The following PCDH9 variants were observed in gnomAD, a reference collection of about 807,000 sequenced individuals.
PCDH9 encodes protocadherin-9.
PCDH9 carries 24 observed loss-of-function variants against 70.6 expected under a neutral mutation model. The ratio of observed to expected loss-of-function variants is 0.34; its 90% confidence interval spans 0.25 to 0.48. The LOEUF (loss-of-function observed/expected upper bound fraction) is 0.48. PCDH9 is among the 20% of genes least tolerant of loss of function. The probability of loss-of-function intolerance (pLI) is 0.99; values close to 1 mark genes in which losing one functional copy is unlikely to be tolerated. For synonymous variants in PCDH9, 562 were observed against 558.5 expected (o/e 1.01, Z -0.09); for missense variants, 1,281 against 1,503.6 (o/e 0.85, Z 2.45).
intron 2 of PCDH9, among the ~76,000 whole-genome samples, chr13:67,113,702 C>T (rs1172571700): frequency 6.6e-6 from 1 of 152,132 alleles, no homozygotes; most frequent in Non-Finnish European, 1.5e-5. Flanking sequence ...CGCCCGCCAT[C>T]ACGCCCGGCT....
intron 4 of PCDH9, among the ~76,000 whole-genome samples, chr13:66,509,576 A>C (rs760878908): frequency 6.6e-6 from 1 of 152,000 alleles, no homozygotes; most frequent in Non-Finnish European, 1.5e-5. Context: ...TTGTTTTGGT[A>C]CTTCTTTCTC....
At chr13:66,904,779 A>G (rs2082332770) in intron 2 of PCDH9, among the ~76,000 whole-genome samples, 2 of 152,122 alleles carry the variant, frequency 1.3e-5, no homozygotes, top group Middle Eastern at 6.8e-3. Context: ...ATCATTTTAT[A>G]TATTTAAATA....
At chr13:66,481,653 C>T (rs556203990) in intron 4 of PCDH9, among the ~76,000 whole-genome samples, 2 of 152,128 alleles carry the variant, frequency 1.3e-5, no homozygotes, top group African/African-American at 2.4e-5. Context: ...CAAGGTATGC[C>T]GATAACTATG....
chr13:66,579,252 A>G (rs1052124396), intron 4 of PCDH9, among the ~76,000 whole-genome samples: 2 of 152,124 alleles, frequency 1.3e-5, no homozygotes, highest in African/African-American at 4.8e-5. Context: ...ACTAAAATAT[A>G]AATATATAAA....
At chr13:67,125,108 T>C (rs756155137) in intron 2 of PCDH9, among the ~76,000 whole-genome samples, 1 of 152,162 alleles carries the variant, frequency 6.6e-6, no homozygotes, top group Non-Finnish European at 1.5e-5. Context: ...TCCTTGAATA[T>C]AAAATTGGGA....
At chr13:67,162,034 C>T (rs78274485) in intron 2 of PCDH9, among the ~76,000 whole-genome samples, 9,377 of 152,204 alleles carry the variant, frequency 0.062, 442 homozygotes, top group African/African-American at 0.11. Flanking sequence ...CCTTCCTAAA[C>T]GACCTTGGAA....
chr13:66,669,060 T>A (rs1679613607), intron 3 of PCDH9, among the ~76,000 whole-genome samples: 1 of 152,206 alleles, frequency 6.6e-6, no homozygotes, highest in South Asian at 2.1e-4. Context: ...TCATTGAATC[T>A]ATTTTAATTG....
intron 3 of PCDH9, among the ~76,000 whole-genome samples, chr13:66,639,879 T>C (rs554737766): frequency 6.6e-6 from 1 of 152,294 alleles, no homozygotes; most frequent in East Asian, 1.9e-4. Context: ...AGTAGGAATG[T>C]GGTACTTTAT....
intron 2 of PCDH9, among the ~76,000 whole-genome samples, chr13:67,036,689 T>C (rs2085015928): frequency 6.6e-6 from 1 of 152,228 alleles, no homozygotes; most frequent in South Asian, 2.1e-4. Context: ...CGATAAAATA[T>C]ATGATCATCC....
chr13:67,001,113 C>G (rs370617618), intron 2 of PCDH9, among the ~76,000 whole-genome samples: 1 of 152,260 alleles, frequency 6.6e-6, no homozygotes, highest in South Asian at 2.1e-4. Context: ...AAGTTCGATA[C>G]AGAAGTAAGT....
chr13:67,149,228 C>T (rs1371097203), intron 2 of PCDH9, among the ~76,000 whole-genome samples: 1 of 152,148 alleles, frequency 6.6e-6, no homozygotes, highest in Non-Finnish European at 1.5e-5. Context: ...GAAAACTTTC[C>T]TATCAGTATG....
At chr13:67,218,873 T>C (rs2089665017) in intron 2 of PCDH9, 1 of 152,040 alleles carries the variant, frequency 6.6e-6, no homozygotes, top group African/African-American at 2.4e-5. Context: ...ACAGGTGGTC[T>C]CAAGCCCATC....
intron 2 of PCDH9, among the ~76,000 whole-genome samples, chr13:66,911,184 C>A (rs912962734): frequency 6.6e-6 from 1 of 152,110 alleles, no homozygotes; most frequent in African/African-American, 2.4e-5. Flanking sequence ...ACTTATTCAG[C>A]AGGTTCCTTC....
chr13:66,873,412 A>G (rs9317622), intron 3 of PCDH9, among the ~76,000 whole-genome samples: 91,340 of 151,900 alleles, frequency 0.6, 27,948 homozygotes, highest in African/African-American at 0.74. Flanking sequence ...ATGTCAAACA[A>G]TCCAATTTAT....
chr13:66,862,603 T>C (rs2081503247), intron 3 of PCDH9, among the ~76,000 whole-genome samples: 1 of 152,230 alleles, frequency 6.6e-6, no homozygotes, highest in Non-Finnish European at 1.5e-5. Flanking sequence ...TTGCTAGTTT[T>C]ATAGTAGTGC....
chr13:66,358,895 A>AT (rs1956425484), intron 4 of PCDH9, among the ~76,000 whole-genome samples: 1 of 151,882 alleles, frequency 6.6e-6, no homozygotes, highest in Non-Finnish European at 1.5e-5. Flanking sequence ...ACCAACTTTG[A>AT]TTTTTTCACA....
chr13:66,807,135 A>C (rs2080423356), intron 3 of PCDH9, among the ~76,000 whole-genome samples: 1 of 152,192 alleles, frequency 6.6e-6, no homozygotes, highest in African/African-American at 2.4e-5. Context: ...ATCTTCAACC[A>C]TCTTACTCCT....
chr13:66,384,186 A>G (rs1400876566), intron 4 of PCDH9, among the ~76,000 whole-genome samples: 6 of 152,102 alleles, frequency 3.9e-5, no homozygotes, highest in Non-Finnish European at 8.8e-5. Flanking sequence ...TCTTAGAAAT[A>G]TAATTTTATT....
intron 4 of PCDH9, among the ~76,000 whole-genome samples, chr13:66,410,971 A>G (rs1489144724): frequency 6.6e-6 from 1 of 152,242 alleles, no homozygotes; most frequent in Non-Finnish European, 1.5e-5. Flanking sequence ...GAATTCTCTA[A>G]GCAAATTCAA....
Sources: gnomAD v4.1 joint callset for allele counts (sites outside exome capture counted in the v4.1 genomes callset) on GRCh38, gnomAD v4.1.1 for gene constraint, MANE v1.5 for transcripts, NCBI Gene and HGNC (gene_info 2026-07-23, HGNC 2026-07-21) for gene names.